PIWIL1: variants seen among roughly 807,000 people sequenced by gnomAD.
PIWIL1 encodes the protein piwi like RNA-mediated gene silencing 1.
PIWIL1 carries 73 observed loss-of-function variants against 114.4 expected under a neutral mutation model. The observed-to-expected ratio is 0.64, with a 90% CI of 0.53 to 0.78. The LOEUF (loss-of-function observed/expected upper bound fraction) is 0.78, where lower values mean the gene tolerates loss of function less well. PIWIL1 is among the 30% of genes least tolerant of loss of function. The pLI is 0.00. For synonymous variants in PIWIL1, 375 were observed against 369.0 expected (o/e 1.02, Z -0.19); for missense variants, 723 against 1,063.1 (o/e 0.68, Z 4.45).
At chr12:130,413,464 T>C in the PIWIL1 span, among the ~76,000 whole-genome samples, 2 of 151,872 alleles carry the variant, frequency 1.3e-5, no homozygotes, top group African/African-American at 4.8e-5. Context: ...TCCCTGTCTC[T>C]ACTAAAAATG....
chr12:130,349,847 G>A lies in PIWIL1; in HGVS notation c.933-9G>A. ...CATCAAATGCAGTCAAATCTCAACT[G>A]ATCCCTAGGTATAACAATAAGACAT... On this transcript the variant is annotated splice_polypyrimidine_tract_variant and intron_variant, in intron 8 of 20. Coordinates refer to ENST00000245255, the MANE Select transcript of PIWIL1 (RefSeq NM_004764.5). 1 of 1,472,736 alleles carries A rather than the reference G, an allele frequency of 6.8e-7. No individual in the cohort carries two copies. The highest frequency in any genetic ancestry group is 9.4e-7 in the Non-Finnish European group (1 of 1,061,376). The allele number at this position is 1,472,736 out of a possible 1,614,324, so 91.2% of individuals were successfully genotyped here.
intron 19 of PIWIL1, among the ~76,000 whole-genome samples, chr12:130,369,847 C>G (rs1330891225): frequency 6.6e-6 from 1 of 152,134 alleles, no homozygotes; most frequent in Admixed American, 6.5e-5. Context: ...TCTGTTCACT[C>G]TGATGATAGT....
the PIWIL1 span, among the ~76,000 whole-genome samples, chr12:130,395,426 G>T: frequency 6.6e-6 from 1 of 152,078 alleles, no homozygotes; most frequent in Non-Finnish European, 1.5e-5. Context: ...TTTGGTTTTA[G>T]GAAAATTGTA....
At chr12:130,360,531 G>A (rs2073481319) in intron 14 of PIWIL1, among the ~76,000 whole-genome samples, 1 of 152,172 alleles carries the variant, frequency 6.6e-6, no homozygotes, top group Non-Finnish European at 1.5e-5. Context: ...TACTCTGGGG[G>A]CTGAGGCAGG....
intron 1 of PIWIL1, chr12:130,339,526 T>TG (rs139077600): frequency 0.04 from 6,036 of 152,274 alleles, 213 homozygotes; most frequent in South Asian, 0.18. Flanking sequence ...TTGGCAGAGC[T>TG]GGTAGCGAAT....
chr12:130,419,693 C>T, the PIWIL1 span: 1 of 151,996 alleles, frequency 6.6e-6, no homozygotes, highest in African/African-American at 2.4e-5. This position sits in a 1 kb window ranked among gnomAD's most constrained non-coding sequence, Gnocchi z 4.3. Flanking sequence ...GCCAAAATAA[C>T]AAAAAATGGG....
At chr12:130,347,262 C>T (rs1216739558) in intron 6 of PIWIL1, among the ~76,000 whole-genome samples, 200 bp downstream of exon 6, 3 of 152,104 alleles carry the variant, frequency 2.0e-5, no homozygotes, top group African/African-American at 7.2e-5. Flanking sequence ...CCTTTACTTC[C>T]CTAATTCTGT....
chr12:130,420,270 T>C, the PIWIL1 span, among the ~76,000 whole-genome samples: 1 of 152,216 alleles, frequency 6.6e-6, no homozygotes, highest in African/African-American at 2.4e-5. The surrounding 1 kb of genome is among the most constrained non-coding windows in gnomAD (Gnocchi z 4.3). Flanking sequence ...GTGTGTAAAG[T>C]ATCTGGTTAG....
chr12:130,344,800 T>A (rs2073026221), intron 3 of PIWIL1, among the ~76,000 whole-genome samples: 1 of 152,214 alleles, frequency 6.6e-6, no homozygotes, highest in Non-Finnish European at 1.5e-5. Context: ...ATGTCAGCTA[T>A]TGGCTCTCTT....
At chr12:130,391,125 A>T in the PIWIL1 span, among the ~76,000 whole-genome samples, 3 of 152,014 alleles carry the variant, frequency 2.0e-5, no homozygotes, top group African/African-American at 7.2e-5. Flanking sequence ...CCTGCTTCCT[A>T]CTAAGTTCCT....
intron 13 of PIWIL1, 138 bp downstream of exon 13, chr12:130,357,243 A>C: frequency 1.3e-6 from 1 of 749,230 alleles, no homozygotes. Flanking sequence ...AAACAGAAAC[A>C]TATTTTAATA....
At chr12:130,353,256 A>G (rs537767793) in intron 9 of PIWIL1, among the ~76,000 whole-genome samples, 69 of 118,546 alleles carry the variant, frequency 5.8e-4, no homozygotes, top group Non-Finnish European at 6.7e-4. Context: ...TTCTCCTGGT[A>G]TGCTCAGTGG....
chr12:130,424,463 G>A, the PIWIL1 span: 1 of 1,232,124 alleles, frequency 8.1e-7, no homozygotes, highest in Non-Finnish European at 1.0e-6. This position sits in a 1 kb window ranked among gnomAD's most constrained non-coding sequence, Gnocchi z 9.8. Flanking sequence ...CGGCCACGGT[G>A]TTTCCGAAGC....
rs747048341 is a variant in PIWIL1 at position 130,363,187 on chromosome 12, CA to C, written c.2195+44del. On this transcript the variant is annotated intron_variant, in intron 18 of 20. Transcript: ENST00000245255. ...AAAGCATTTTCTTTTTATAAAACTG[CA>C]CCTTTGTATCTTTGAAATTAGCATC... The C allele has an allele frequency of 1.6e-5, 25 of 1,569,204 alleles. No individual in the cohort carries two copies. The Admixed American group carries it at 4.2e-4, about 26-fold the overall frequency.
intron 20 of PIWIL1, 40 bp downstream of exon 20, chr12:130,371,363 CA>C (rs1248528189): frequency 6.2e-7 from 1 of 1,612,998 alleles, no homozygotes. Context: ...AAATAAAGGA[CA>C]TTCACTTTTC....
In PIWIL1 at chr12:130,342,685, T is replaced by C; in HGVS notation, c.78+16T>C. 5 of 1,589,906 alleles carry C rather than the reference T, an allele frequency of 3.1e-6. No homozygotes were observed. In the South Asian group the frequency reaches 5.5e-5, roughly 18 times the overall value. ...CTCCACTGCCGTGAGTGCTTCACCGTTTCTGACTACAGAAAATGTCTTTGA... is the reference window on the plus strand; with the variant it reads ...CTCCACTGCCGTGAGTGCTTCACCGCTTCTGACTACAGAAAATGTCTTTGA... On this transcript the variant is annotated intron_variant, in intron 2 of 20. Coordinates refer to ENST00000245255, the MANE Select transcript of PIWIL1 (RefSeq NM_004764.5).
chr12:130,424,659 C>T, the PIWIL1 span: 1 of 1,231,866 alleles, frequency 8.1e-7, no homozygotes, highest in Non-Finnish European at 1.0e-6. The surrounding 1 kb of genome is among the most constrained non-coding windows in gnomAD (Gnocchi z 9.8). Flanking sequence ...CCTGTAGGGC[C>T]TGCCGGGCCT....
intron 16 of PIWIL1, among the ~76,000 whole-genome samples, chr12:130,362,254 G>A (rs942777992): frequency 6.6e-6 from 1 of 152,150 alleles, no homozygotes; most frequent in Non-Finnish European, 1.5e-5. Context: ...AGGCCCTGGT[G>A]TCTGTTGTCT....
chr12:130,345,641 G>A, intron 3 of PIWIL1, 112 bp from the exon 4 acceptor site: 1 of 1,133,848 alleles, frequency 8.8e-7, no homozygotes, highest in Non-Finnish European at 1.3e-6. Flanking sequence ...TTTATGCCTT[G>A]TCTTCTACAC....
Sources: allele counts gnomAD v4.1 joint callset (sites outside exome capture counted in the v4.1 genomes callset), GRCh38; gene constraint gnomAD v4.1.1; non-coding constraint Gnocchi (gnomAD v3.1); transcripts MANE v1.5; gene names NCBI Gene and HGNC (gene_info 2026-07-23, HGNC 2026-07-21).